Variants in CYRIB observed in about 807,000 individuals in gnomAD.
CYRIB encodes CYFIP-related Rac1 interactor B.
CYRIB carries 8 observed loss-of-function variants against 44.2 expected under a neutral mutation model. The observed-to-expected ratio is 0.18, with a 90% CI of 0.11 to 0.33. CYRIB has a LOEUF of 0.33. CYRIB is among the 10% of genes least tolerant of loss of function. CYRIB has a pLI of 1.00. For missense variants in CYRIB, 185 were observed against 382.8 expected, an observed-to-expected ratio of 0.48 and a Z score of 4.31; for synonymous variants, 131 against 127.2, an observed-to-expected ratio of 1.03 and a Z score of -0.20.
At chr8:129,915,752 C>G (rs2080422080) in intron 1 of CYRIB, among the ~76,000 whole-genome samples, 1 of 152,140 alleles carries the variant, frequency 6.6e-6, no homozygotes, top group East Asian at 1.9e-4. Context: ...AGGCTTGCCA[C>G]AACCCACTAA....
intron 1 of CYRIB, among the ~76,000 whole-genome samples, chr8:129,936,628 A>G (rs1429769522): frequency 4.6e-5 from 7 of 152,304 alleles, no homozygotes; most frequent in African/African-American, 1.7e-4. Flanking sequence ...CTATGAACTA[A>G]AGTATAACAC....
At chr8:129,919,601 A>G (rs2082498741) in intron 1 of CYRIB, among the ~76,000 whole-genome samples, 1 of 152,206 alleles carries the variant, frequency 6.6e-6, no homozygotes, top group Admixed American at 6.6e-5. Flanking sequence ...AGAATGTCAG[A>G]GAAAGCTAGA....
chr8:130,000,936 A>C (rs1417327116), intron 1 of CYRIB, among the ~76,000 whole-genome samples: 1 of 152,196 alleles, frequency 6.6e-6, no homozygotes, highest in African/African-American at 2.4e-5. Flanking sequence ...CCCAAAGTAG[A>C]AAATTAACTC....
chr8:129,861,182 C>T (rs1048610198), intron 5 of CYRIB, among the ~76,000 whole-genome samples: 1 of 152,186 alleles, frequency 6.6e-6, no homozygotes, highest in African/African-American at 2.4e-5. Flanking sequence ...TATTCCTCTC[C>T]TGTGTCTATT....
At chr8:129,989,641 T>C (rs962851295) in intron 1 of CYRIB, among the ~76,000 whole-genome samples, 29 of 114,930 alleles carry the variant, frequency 2.5e-4, no homozygotes, top group Admixed American at 8.4e-5. Context: ...ATGCCCTTTC[T>C]TTTTTTTTTT....
At chr8:129,849,627 T>C (rs1331253600) in intron 9 of CYRIB, 1 of 327,382 alleles carries the variant, frequency 3.1e-6, no homozygotes, top group East Asian at 6.7e-5. Context: ...CTTGCCCCTT[T>C]GATCTCTAAA....
At chr8:129,851,934 T>G (rs2043469672) in intron 8 of CYRIB, 1 of 380,138 alleles carries the variant, frequency 2.6e-6, no homozygotes, top group South Asian at 1.4e-4. Context: ...GAGTTTGGTT[T>G]GGCCATGCCA....
chr8:129,993,849 C>T (rs1267090808), intron 1 of CYRIB, among the ~76,000 whole-genome samples: 1 of 151,392 alleles, frequency 6.6e-6, no homozygotes, highest in African/African-American at 2.4e-5. Flanking sequence ...GTGACAAAAC[C>T]AGACCCTGTC....
rs2093191636 is a variant in CYRIB, at chr8:129,938,401, T to A, written c.-50+1207A>T. Among the ~76,000 whole-genome samples the A allele has an allele frequency of 2.6e-5, 4 of 152,184 alleles. No individual in the cohort carries two copies. The South Asian group carries it at 8.3e-4, about 31-fold the overall frequency. On this transcript the variant is annotated intron_variant, in intron 1 of 11. Coordinates refer to ENST00000519824, the Ensembl canonical transcript of CYRIB. Reference sequence around the variant, plus strand: ...ATAAAACACTCCTTTGGAATGCCGATCTCCCACACCGTAAGACTTAAAACA... The same window carrying A: ...ATAAAACACTCCTTTGGAATGCCGAACTCCCACACCGTAAGACTTAAAACA...
intron 1 of CYRIB, among the ~76,000 whole-genome samples, chr8:129,919,219 G>A (rs955127477): frequency 6.6e-6 from 1 of 152,036 alleles, no homozygotes; most frequent in Non-Finnish European, 1.5e-5. Context: ...GCACCAATAG[G>A]CATAGATAAC....
intron 1 of CYRIB, among the ~76,000 whole-genome samples, chr8:130,005,908 C>A (rs1281170487): frequency 6.6e-6 from 1 of 152,104 alleles, no homozygotes; most frequent in Non-Finnish European, 1.5e-5. Flanking sequence ...ACGCCCAACA[C>A]CCTCAGAATA....
chr8:129,963,832 C>T (rs930442714), intron 2 of CYRIB, among the ~76,000 whole-genome samples: 45 of 152,192 alleles, frequency 3.0e-4, no homozygotes, highest in African/African-American at 9.9e-4. Flanking sequence ...GATAATGGAA[C>T]GCTCTTAAAT....
At chr8:129,846,851 A>T in exon 11 of CYRIB, 2 of 1,593,892 alleles carry the variant, frequency 1.3e-6, no homozygotes, top group Non-Finnish European at 1.7e-6. Context: ...GTTGGTCCTT[A>T]AGAACTTTGA....
chr8:129,859,255 A>C (rs1180867120), intron 5 of CYRIB, among the ~76,000 whole-genome samples: 1 of 152,200 alleles, frequency 6.6e-6, no homozygotes, highest in African/African-American at 2.4e-5. Flanking sequence ...ATTTCTGCTT[A>C]TCAGGGACTT....
chr8:129,878,855 AT>A (rs143814179), intron 3 of CYRIB, among the ~76,000 whole-genome samples: 2,322 of 152,192 alleles, frequency 0.015, 50 homozygotes, highest in African/African-American at 0.049. Flanking sequence ...AATACATTCT[AT>A]TTTTTTAACT....
At chr8:129,937,984 C>A (rs2093109820) in intron 1 of CYRIB, among the ~76,000 whole-genome samples, 1 of 151,812 alleles carries the variant, frequency 6.6e-6, no homozygotes, top group South Asian at 2.1e-4. Flanking sequence ...TTTTTAACAC[C>A]AAGCTCCCCA....
intron 2 of CYRIB, chr8:129,879,720 C>T (rs2060247270): frequency 1.0e-5 from 4 of 390,178 alleles, no homozygotes; most frequent in Non-Finnish European, 1.4e-5. Flanking sequence ...TCTCAAAATT[C>T]TCCCAAGACA....
At chr8:129,905,059 C>T (rs866758293) in intron 1 of CYRIB, among the ~76,000 whole-genome samples, 2 of 152,206 alleles carry the variant, frequency 1.3e-5, no homozygotes, top group South Asian at 2.1e-4. Context: ...AGACACTCAA[C>T]AGGCCAAATG....
intron 10 of CYRIB, 128 bp downstream of exon 12, chr8:129,849,115 C>T: frequency 1.2e-6 from 1 of 819,416 alleles, no homozygotes; most frequent in Non-Finnish European, 1.8e-6. Context: ...GATGAAAGTC[C>T]ACCATTTCAC....
Sources: allele counts gnomAD v4.1 joint callset (sites outside exome capture counted in the v4.1 genomes callset), GRCh38; gene constraint gnomAD v4.1.1; transcripts MANE v1.5; gene names NCBI Gene and HGNC (gene_info 2026-07-23, HGNC 2026-07-21).